The following KIAA0930 variants were observed in gnomAD, a reference collection of about 807,000 sequenced individuals.
The protein encoded by KIAA0930 is uncharacterized protein KIAA0930.
Under a neutral mutation model 43.9 loss-of-function variants are expected in KIAA0930, and 24 were observed. That is an observed-to-expected ratio of 0.55 (90% confidence interval 0.40 to 0.77). The LOEUF is 0.77. Ranked by LOEUF, KIAA0930 falls within the 30% of genes least tolerant of loss-of-function variation. The probability of loss-of-function intolerance (pLI) is 0.00; values close to 1 mark genes in which losing one functional copy is unlikely to be tolerated. For missense variants in KIAA0930, 461 were observed against 574.2 expected, an observed-to-expected ratio of 0.80 and a Z score of 2.02; for synonymous variants, 259 against 216.4, an observed-to-expected ratio of 1.20 and a Z score of -1.73.
At chr22:45,197,317 A>T in intron 9 of KIAA0930, 101 bp from the exon 10 acceptor site, 1 of 1,013,978 alleles carries the variant, frequency 9.9e-7, no homozygotes, top group Non-Finnish European at 1.5e-6. Context: ...CGCCTCAGCC[A>T]CTCATGCATC....
At chr22:45,224,826 G>C (rs1348477022) in intron 1 of KIAA0930, among the ~76,000 whole-genome samples, 1 of 152,168 alleles carries the variant, frequency 6.6e-6, no homozygotes, top group Non-Finnish European at 1.5e-5. Flanking sequence ...TGAGGAAGTA[G>C]AGTGGGAAGA....
intron 1 of KIAA0930, among the ~76,000 whole-genome samples, chr22:45,224,618 G>A (rs2083787512): frequency 6.6e-6 from 1 of 152,220 alleles, no homozygotes; most frequent in East Asian, 1.9e-4. Context: ...GTGGAAGCAG[G>A]ATGAATTTTA....
intron 1 of KIAA0930, among the ~76,000 whole-genome samples, chr22:45,220,341 G>T (rs936407272): frequency 6.6e-6 from 1 of 151,910 alleles, no homozygotes; most frequent in Non-Finnish European, 1.5e-5. Context: ...TATAATTCCA[G>T]CTACTCAGGA....
At chr22:45,201,799 G>A (rs545620909) in intron 7 of KIAA0930, among the ~76,000 whole-genome samples, 38 of 152,252 alleles carry the variant, frequency 2.5e-4, no homozygotes, top group African/African-American at 8.2e-4. Context: ...CTGACCACCC[G>A]GAGATATGCA....
Position 45,197,883 on chromosome 22 carries a change from C to CG in KIAA0930, c.1080dup (p.Gly361ArgfsTer250). 6.2e-7 allele frequency: 1 copy of CG among 1,614,194 alleles called. No individual in the cohort carries two copies. The highest frequency in any genetic ancestry group is 8.5e-7 in the Non-Finnish European group (1 of 1,180,018). On this transcript the variant is annotated frameshift_variant, in exon 9 of 10. Coordinates refer to ENST00000336156, the MANE Select transcript of KIAA0930 (RefSeq NM_001009880.2). LOFTEE classifies it high-confidence loss of function. ...GCTCTGTTCAGCTTCAGCCAGGACC[C>CG]GACCAGGGACCGTCCTGTGCCCGAC...
intron 2 of KIAA0930, among the ~76,000 whole-genome samples, chr22:45,209,033 G>T (rs746770933): frequency 6.6e-6 from 1 of 152,228 alleles, no homozygotes; most frequent in Non-Finnish European, 1.5e-5. Flanking sequence ...GAAACAGAGG[G>T]CAGGGAATCC....
chr22:45,213,278 TGCCCTCTGCCCTCA>T (rs759331046), intron 1 of KIAA0930: 93 of 1,288,236 alleles, frequency 7.2e-5, no homozygotes, highest in Admixed American at 1.8e-4. Context: ...CTCAGCCCTC[TGCCCTCTGCCCTCA>T]GCCCTCTGCC....
At chr22:45,210,959 G>A (rs1232428680) in intron 2 of KIAA0930, among the ~76,000 whole-genome samples, 1 of 152,126 alleles carries the variant, frequency 6.6e-6, no homozygotes, top group Non-Finnish European at 1.5e-5. Flanking sequence ...CCCCTCTCCT[G>A]GCTCTTCCCC....
rs2147729979 is a variant in KIAA0930, at chr22:45,195,371, G to C, written c.*1805C>G. Reference sequence around the variant, plus strand: ...CTCCCAAGATCCCCAGAACAACCAGGGGAAGAGTTCCTGAAGAAATGGGTG... The same window carrying C: ...CTCCCAAGATCCCCAGAACAACCAGCGGAAGAGTTCCTGAAGAAATGGGTG... On this transcript the variant is annotated 3_prime_UTR_variant, in exon 10 of 10. Transcript: ENST00000336156. 6.6e-6 allele frequency: 1 copy of C among 152,446 alleles called. No homozygotes were observed. The highest frequency in any genetic ancestry group is 2.4e-5 in the African/African-American group (1 of 41,590). The allele number at this position is 152,446 out of a possible 1,614,324, so 9.4% of individuals were successfully genotyped here. A position where few individuals can be genotyped will look rare whatever the true frequency, so the allele number is the denominator to read the frequency against.
In KIAA0930 at chr22:45,203,111, C is replaced by T. The variant is rs369518786; in HGVS notation, c.731G>A (p.Arg244His). ...GCCCTTGCCCTGGGGGCCCTTCATG[C>T]GCACAAACTCCATGTTGCTGTACTT... ...FYKYSNMEFVRMKGPQGKGHA... is the reference protein window; with the variant it reads ...FYKYSNMEFVHMKGPQGKGHA... The change falls in exon 7 of 10, where the codon CGC becomes CAC. Residue 244 changes from arginine to histidine, a missense_variant. Physicochemically the swap from Arg to His is conservative, Grantham distance 29 (BLOSUM62 0). Coordinates refer to ENST00000336156, the MANE Select transcript of KIAA0930 (RefSeq NM_001009880.2). 11 of 1,613,634 alleles carry T rather than the reference C, an allele frequency of 6.8e-6. No homozygotes were observed. The highest frequency in any genetic ancestry group is 1.6e-4 in the Middle Eastern group (1 of 6,080).
At chr22:45,203,425 T>C (rs2083607603) in intron 6 of KIAA0930, among the ~76,000 whole-genome samples, 2 of 152,080 alleles carry the variant, frequency 1.3e-5, no homozygotes, top group Non-Finnish European at 2.9e-5. Flanking sequence ...GGCCCCAGGC[T>C]GGCAGCAAGG....
chr22:45,231,547 C>G (rs992017685), intron 1 of KIAA0930, among the ~76,000 whole-genome samples: 3 of 152,112 alleles, frequency 2.0e-5, no homozygotes, highest in Non-Finnish European at 4.4e-5. Flanking sequence ...ACCCCCTCCC[C>G]AGGGAGGGCC....
intron 1 of KIAA0930, among the ~76,000 whole-genome samples, chr22:45,225,402 T>C (rs1380618239): frequency 2.0e-5 from 3 of 152,280 alleles, no homozygotes; most frequent in African/African-American, 4.8e-5. Flanking sequence ...GGTCTCCACG[T>C]TGCGTGCCTA....
intron 8 of KIAA0930, among the ~76,000 whole-genome samples, chr22:45,198,914 G>A (rs755798386): frequency 2.6e-5 from 4 of 152,212 alleles, no homozygotes; most frequent in Admixed American, 6.5e-5. Flanking sequence ...GTCTCGCTAA[G>A]TGCTGGAATT....
intron 1 of KIAA0930, among the ~76,000 whole-genome samples, chr22:45,228,504 C>T (rs921761883): frequency 6.6e-6 from 1 of 152,206 alleles, no homozygotes; most frequent in Non-Finnish European, 1.5e-5. Context: ...AGCAGTACTA[C>T]TCTGCAAAGG....
In KIAA0930 at chr22:45,222,295, T is replaced by C. The variant is rs560356865; in HGVS notation, c.65-10188A>G. Reference sequence around the variant, plus strand: ...TAAAAGCTATTAAGGAGAAGAATGATCAATCAAACTATATAAACACTTAAA... The same window carrying C: ...TAAAAGCTATTAAGGAGAAGAATGACCAATCAAACTATATAAACACTTAAA... On this transcript the variant is annotated intron_variant, in intron 1 of 9. Transcript: ENST00000336156. Among the ~76,000 whole-genome samples, 7 of 146,262 alleles carry C rather than the reference T, an allele frequency of 4.8e-5. No homozygotes were observed. The South Asian group carries it at 8.3e-4, about 17-fold the overall frequency.
chr22:45,212,856 T>TCGGGGCACATGCAGACAAAC (rs2083706942), intron 1 of KIAA0930, among the ~76,000 whole-genome samples: 1 of 152,238 alleles, frequency 6.6e-6, no homozygotes, highest in Admixed American at 6.5e-5. Context: ...CACAGGTTCC[T>TCGGGGCACATGCAGACAAAC]CGGGGCACAT....
At chr22:45,222,627 T>C (rs548842012) in intron 1 of KIAA0930, among the ~76,000 whole-genome samples, 5 of 117,814 alleles carry the variant, frequency 4.2e-5, no homozygotes, top group African/African-American at 1.8e-4. Context: ...AAAATTTCTA[T>C]AGGGGAAAAA....
chr22:45,228,711 ACACT>A (rs2083819688), intron 1 of KIAA0930, among the ~76,000 whole-genome samples: 1 of 56,794 alleles, frequency 1.8e-5, no homozygotes, highest in Non-Finnish European at 3.8e-5. Flanking sequence ...CAACCACCAA[ACACT>A]CACCCGAAAG....
Sources: allele counts gnomAD v4.1 joint callset (sites outside exome capture counted in the v4.1 genomes callset), GRCh38; gene constraint gnomAD v4.1.1; transcripts MANE v1.5; gene names NCBI Gene and HGNC (gene_info 2026-07-23, HGNC 2026-07-21).